Variants in NFIB observed in about 807,000 individuals in gnomAD.
The protein encoded by NFIB is nuclear factor I B.
Under a neutral mutation model 61.5 loss-of-function variants are expected in NFIB, and 11 were observed. The ratio of observed to expected loss-of-function variants is 0.18; its 90% CI spans 0.11 to 0.30. The LOEUF is 0.30. NFIB is among the 10% of genes least tolerant of loss of function. The pLI is 1.00. For missense variants in NFIB, 471 were observed against 608.9 expected (o/e 0.77, Z 2.38); for synonymous variants, 260 against 216.5 (o/e 1.20, Z -1.76).
chr9:14,227,652 C>T (rs2131894957), intron 2 of NFIB, among the ~76,000 whole-genome samples: 1 of 152,056 alleles, frequency 6.6e-6, no homozygotes, highest in Non-Finnish European at 1.5e-5. Context: ...TGATAATAAC[C>T]ACCCCTTACA....
At chr9:14,419,733 C>A in the NFIB span, among the ~76,000 whole-genome samples, 2 of 152,134 alleles carry the variant, frequency 1.3e-5, no homozygotes, top group African/African-American at 4.8e-5. Flanking sequence ...ACAACACCGA[C>A]CCTTTGACAG....
chr9:14,281,268 A>G (rs923616057), intron 2 of NFIB, among the ~76,000 whole-genome samples: 1 of 152,210 alleles, frequency 6.6e-6, no homozygotes, highest in Admixed American at 6.5e-5. Flanking sequence ...CATGAATATC[A>G]GGCTGCTTCA....
intron 2 of NFIB, among the ~76,000 whole-genome samples, chr9:14,189,267 G>A (rs894375671): frequency 1.3e-4 from 20 of 152,078 alleles, no homozygotes; most frequent in Non-Finnish European, 1.5e-4. Context: ...ATATTTCATT[G>A]GCAATCTTTC....
At chr9:14,490,147 CA>C in the NFIB span, among the ~76,000 whole-genome samples, 2 of 152,134 alleles carry the variant, frequency 1.3e-5, no homozygotes, top group African/African-American at 4.8e-5. Flanking sequence ...CTATTGACCC[CA>C]AATTTTACCC....
At chr9:14,331,219 C>T (rs1243363596) in intron 1 of NFIB, among the ~76,000 whole-genome samples, 1 of 152,176 alleles carries the variant, frequency 6.6e-6, no homozygotes, top group Non-Finnish European at 1.5e-5. Flanking sequence ...AGACGAGGCA[C>T]TGGAGGTTTG....
chr9:14,517,816 G>A, the NFIB span, among the ~76,000 whole-genome samples: 1 of 152,186 alleles, frequency 6.6e-6, no homozygotes, highest in African/African-American at 2.4e-5. Flanking sequence ...TCAGAGTCAT[G>A]CTCTCTCTTG....
chr9:14,473,411 G>C, the NFIB span, among the ~76,000 whole-genome samples: 4 of 137,052 alleles, frequency 2.9e-5, no homozygotes, highest in African/African-American at 1.1e-4. Flanking sequence ...GAGGTTCCCA[G>C]TTCTGTAGAA....
chr9:14,237,663 A>T (rs2053879983), intron 2 of NFIB, among the ~76,000 whole-genome samples: 1 of 152,142 alleles, frequency 6.6e-6, no homozygotes, highest in Non-Finnish European at 1.5e-5. Flanking sequence ...AAATAGCCCA[A>T]TATAAGAGGT....
intron 1 of NFIB, among the ~76,000 whole-genome samples, chr9:14,308,379 T>A (rs1420625999): frequency 6.6e-6 from 1 of 152,104 alleles, no homozygotes; most frequent in African/African-American, 2.4e-5. Context: ...CACTCTTGCA[T>A]TTTTAAATAG....
intron 6 of NFIB, among the ~76,000 whole-genome samples, chr9:14,126,722 C>T (rs1300102761): frequency 6.6e-6 from 1 of 152,188 alleles, no homozygotes; most frequent in Non-Finnish European, 1.5e-5. Flanking sequence ...GGAGAAACGC[C>T]ATAGATGGGC....
At chr9:14,154,840 ATTCCT>A (rs1249780146) in intron 4 of NFIB, among the ~76,000 whole-genome samples, 35 of 152,332 alleles carry the variant, frequency 2.3e-4, no homozygotes, top group Admixed American at 6.5e-5. Context: ...TAGCGTGAAG[ATTCCT>A]TTACTGAACA....
At chr9:14,503,124 A>G in the NFIB span, among the ~76,000 whole-genome samples, 10 of 148,100 alleles carry the variant, frequency 6.8e-5, no homozygotes, top group Middle Eastern at 3.3e-3. Flanking sequence ...ATGTGTGTGT[A>G]TGTGTGTGTG....
At chr9:14,356,835 G>C (rs1200670114) in intron 1 of NFIB, among the ~76,000 whole-genome samples, 1 of 152,174 alleles carries the variant, frequency 6.6e-6, no homozygotes, top group Non-Finnish European at 1.5e-5. Flanking sequence ...TTTTGCTCTT[G>C]CTGAAAGGAA....
At chr9:14,291,148 G>T (rs1171695312) in intron 2 of NFIB, among the ~76,000 whole-genome samples, 2 of 151,944 alleles carry the variant, frequency 1.3e-5, no homozygotes, top group Non-Finnish European at 2.9e-5. Context: ...CACACACAGG[G>T]CATTTCTAAA....
At chr9:14,406,039 C>A in the NFIB span, among the ~76,000 whole-genome samples, 1 of 152,108 alleles carries the variant, frequency 6.6e-6, no homozygotes, top group Non-Finnish European at 1.5e-5. Flanking sequence ...AGGCTTTGGG[C>A]CACCAAAGTT....
intron 2 of NFIB, among the ~76,000 whole-genome samples, chr9:14,267,772 T>TA (rs1202417096): frequency 1.3e-5 from 2 of 152,234 alleles, no homozygotes; most frequent in Non-Finnish European, 2.9e-5. Context: ...ACATCGGTGG[T>TA]ATGACAGGTG....
the NFIB span, among the ~76,000 whole-genome samples, chr9:14,468,164 G>C: frequency 6.6e-6 from 1 of 152,214 alleles, no homozygotes; most frequent in Non-Finnish European, 1.5e-5. Flanking sequence ...AAGGATGTAT[G>C]TTTGCTACGA....
At chr9:14,241,745 C>G (rs1158124725) in intron 2 of NFIB, among the ~76,000 whole-genome samples, 1 of 152,030 alleles carries the variant, frequency 6.6e-6, no homozygotes, top group Non-Finnish European at 1.5e-5. Context: ...TAAAAAAAAG[C>G]AAATTCAAAA....
intron 3 of NFIB, among the ~76,000 whole-genome samples, chr9:14,157,822 G>C (rs926567026): frequency 6.6e-6 from 1 of 151,774 alleles, no homozygotes; most frequent in Non-Finnish European, 1.5e-5. Flanking sequence ...TTTTATATAG[G>C]GTAAACTTAA....
Sources: allele counts gnomAD v4.1 joint callset (sites outside exome capture counted in the v4.1 genomes callset), GRCh38; gene constraint gnomAD v4.1.1; transcripts MANE v1.5; gene names NCBI Gene and HGNC (gene_info 2026-07-23, HGNC 2026-07-21).